Variants in BASP1 observed in about 807,000 individuals in gnomAD.
The protein encoded by BASP1 is brain acid soluble protein 1.
BASP1 carries 1 observed loss-of-function variant against 2.2 expected under a neutral mutation model. That is an observed-to-expected ratio of 0.46 (90% CI 0.16 to 2.17). The LOEUF is 2.17. Among genes scored for constraint, BASP1 ranks in the 30% most tolerant of loss-of-function variants. BASP1 has a pLI of 0.27. For missense variants in BASP1, 352 were observed against 327.2 expected, an observed-to-expected ratio of 1.08 and a Z score of -0.58; for synonymous variants, 187 against 154.2, an observed-to-expected ratio of 1.21 and a Z score of -1.58.
intron 1 of BASP1, among the ~76,000 whole-genome samples, chr5:17,253,444 CTGAAG>C (rs1227610114): frequency 6.6e-6 from 1 of 152,172 alleles, no homozygotes; most frequent in East Asian, 1.9e-4. Flanking sequence ...AACCCCTGGA[CTGAAG>C]TGATCCTCCT....
In BASP1 at chr5:17,275,721, G is replaced by GCTT; in HGVS notation, c.507_509dup (p.Ser170dup). 1 of 1,610,150 alleles carries GCTT rather than the reference G, an allele frequency of 6.2e-7. No homozygotes were observed. The highest frequency in any genetic ancestry group is 8.5e-7 in the Non-Finnish European group (1 of 1,178,670). ...GGAGACCAAAAGTGACGGGGCCCCA[G>GCTT]CTTCAGACTCAAAACCCGGCAGCTC... On this transcript the variant is annotated inframe_insertion, in exon 2 of 2. Coordinates refer to ENST00000322611, the MANE Select transcript of BASP1 (RefSeq NM_006317.5). This position sits in a 1 kb window ranked among gnomAD's most constrained non-coding sequence, Gnocchi z 5.3.
In BASP1 at chr5:17,251,035, C is replaced by T. The variant is rs1458357761; in HGVS notation, c.-9-24173C>T. On this transcript the variant is annotated intron_variant, in intron 1 of 1. Transcript: ENST00000322611. The surrounding 1 kb of genome is among the most constrained non-coding windows in gnomAD (Gnocchi z 4.0). ...TGGCTTACGTGAGAGAAAAGGTTAA[C>T]TCTTCATATGTTAAATTCCAGAAAT... is the stretch of plus-strand genomic sequence containing the variant. Among the ~76,000 whole-genome samples, 3 of 152,230 alleles carry T rather than the reference C, an allele frequency of 2.0e-5. No individual in the cohort carries two copies. The highest frequency in any genetic ancestry group is 7.2e-5 in the African/African-American group (3 of 41,456).
At chr5:17,224,145 G>A (rs1191415154) in intron 1 of BASP1, among the ~76,000 whole-genome samples, 1 of 152,124 alleles carries the variant, frequency 6.6e-6, no homozygotes, top group African/African-American at 2.4e-5. Context: ...TTTACTTCAG[G>A]GATATGCCCA....
rs1258897222 is a variant in BASP1 at position 17,251,353 on chromosome 5, TTTA to T, written c.-9-23848_-9-23846del. On this transcript the variant is annotated intron_variant, in intron 1 of 1. Transcript: ENST00000322611. This position sits in a 1 kb window ranked among gnomAD's most constrained non-coding sequence, Gnocchi z 4.0. ...CATTAAACATCCCAAATACCCTGAT[TTTA>T]TTATTACACATTGTATACAAGTATC... Among the ~76,000 whole-genome samples, 8 of 152,188 alleles carry T rather than the reference TTTA, an allele frequency of 5.3e-5. No individual in the cohort carries two copies. Among genetic ancestry groups the T allele is most frequent in the African/African-American group, 1.9e-4 (8 of 41,456 alleles).
intron 1 of BASP1, among the ~76,000 whole-genome samples, chr5:17,253,409 C>T (rs1415221246): frequency 6.6e-6 from 1 of 152,146 alleles, no homozygotes; most frequent in African/African-American, 2.4e-5. Context: ...ATGGGGGTCT[C>T]ACTATGTTTC....
At chr5:17,270,929 T>C (rs987801991) in intron 1 of BASP1, among the ~76,000 whole-genome samples, 3 of 152,182 alleles carry the variant, frequency 2.0e-5, no homozygotes, top group African/African-American at 7.2e-5. Context: ...GGAGGTGGGA[T>C]TTTTATACTC....
chr5:17,246,057 A>G (rs1438926078), intron 1 of BASP1, among the ~76,000 whole-genome samples: 4 of 152,230 alleles, frequency 2.6e-5, no homozygotes, highest in Non-Finnish European at 5.9e-5. Context: ...TTATTGGAGA[A>G]GGTTTCTCTG....
intron 1 of BASP1, among the ~76,000 whole-genome samples, chr5:17,273,079 T>C (rs966823341): frequency 6.6e-6 from 1 of 152,200 alleles, no homozygotes; most frequent in African/African-American, 2.4e-5. Flanking sequence ...AGGTTTCCTG[T>C]TTCTTATTTA....
At chr5:17,228,713 T>G (rs1739566967) in intron 1 of BASP1, among the ~76,000 whole-genome samples, 1 of 152,190 alleles carries the variant, frequency 6.6e-6, no homozygotes. Context: ...GTTGGCAGAT[T>G]GGGACACACG....
intron 1 of BASP1, among the ~76,000 whole-genome samples, chr5:17,248,942 A>G (rs1244513546): frequency 3.3e-5 from 5 of 152,132 alleles, no homozygotes; most frequent in South Asian, 2.1e-4. Context: ...GCTCCATGTC[A>G]TAGTAACCAT....
intron 1 of BASP1, among the ~76,000 whole-genome samples, chr5:17,267,429 T>G (rs1740434566): frequency 6.6e-6 from 1 of 152,246 alleles, no homozygotes; most frequent in Non-Finnish European, 1.5e-5. Flanking sequence ...GAGAAGATTT[T>G]CTAAATATAA....
intron 1 of BASP1, among the ~76,000 whole-genome samples, chr5:17,274,144 C>A (rs1740581065): frequency 6.6e-6 from 1 of 152,126 alleles, no homozygotes; most frequent in Admixed American, 6.5e-5. Flanking sequence ...AAAGCGGCAG[C>A]CTTAAGACAG....
At chr5:17,268,931 A>T (rs1022474437) in intron 1 of BASP1, among the ~76,000 whole-genome samples, 1 of 152,264 alleles carries the variant, frequency 6.6e-6, no homozygotes, top group African/African-American at 2.4e-5. Flanking sequence ...AAAATAAGAA[A>T]TACTTGTTAG....
Position 17,275,351 on chromosome 5 carries a change from C to T in BASP1, c.135C>T (p.Ala45=). The T allele has an allele frequency of 6.2e-7, 1 of 1,600,090 alleles. No homozygotes were observed. The highest frequency in any genetic ancestry group is 1.1e-5 in the South Asian group (1 of 90,016). ...CGAAGGAGAGTGAGCCCCAGGCGGC[C>T]GCAGAGCCCGCCGAGGCCAAGGAGG... ...GTPKESEPQA[A]AEPAEAKEGK... is the part of the protein sequence containing the mutation. Residue 45 remains alanine, a synonymous_variant, in exon 2 of 2, where the codon GCC becomes GCT. Coordinates refer to ENST00000322611, the MANE Select transcript of BASP1 (RefSeq NM_006317.5). This position sits in a 1 kb window ranked among gnomAD's most constrained non-coding sequence, Gnocchi z 5.3.
chr5:17,256,823 G>T (rs1740219646), intron 1 of BASP1, among the ~76,000 whole-genome samples: 1 of 152,180 alleles, frequency 6.6e-6, no homozygotes, highest in African/African-American at 2.4e-5. Context: ...GTTGAGGAAG[G>T]ATCTCCAGTA....
chr5:17,274,236 T>C (rs1252386077), intron 1 of BASP1, among the ~76,000 whole-genome samples: 4 of 152,170 alleles, frequency 2.6e-5, no homozygotes. Context: ...TATGTTACTA[T>C]AGAACTACTT....
At chr5:17,216,851 A>G (rs1442506911), upstream of BASP1, 1 of 152,502 alleles carries the variant, frequency 6.6e-6, no homozygotes, top group Non-Finnish European at 1.5e-5. This position sits in a 1 kb window ranked among gnomAD's most constrained non-coding sequence, Gnocchi z 6.4. Flanking sequence ...GGCGCAGCCC[A>G]GACGCGCCTG....
At chr5:17,231,890 C>T (rs779504846) in intron 1 of BASP1, among the ~76,000 whole-genome samples, 5 of 152,194 alleles carry the variant, frequency 3.3e-5, no homozygotes, top group Non-Finnish European at 7.3e-5. Flanking sequence ...AGGTTGTCTA[C>T]AGTACATTAT....
intron 1 of BASP1, among the ~76,000 whole-genome samples, chr5:17,238,774 T>C (rs1739798945): frequency 1.3e-5 from 2 of 152,264 alleles, no homozygotes; most frequent in Non-Finnish European, 1.5e-5. Context: ...TAGTGAACTG[T>C]ATTTAAATAT....
Sources: gnomAD v4.1 joint callset for allele counts (sites outside exome capture counted in the v4.1 genomes callset) on GRCh38, gnomAD v4.1.1 for gene constraint, Gnocchi (gnomAD v3.1) non-coding constraint, MANE v1.5 for transcripts, NCBI Gene and HGNC (gene_info 2026-07-23, HGNC 2026-07-21) for gene names.